PAN3: variants seen among roughly 807,000 people sequenced by gnomAD.
The protein encoded by PAN3 is poly(A) specific ribonuclease subunit PAN3.
PAN3 carries 19 observed loss-of-function variants against 96.2 expected under a neutral mutation model. The observed-to-expected ratio is 0.20, with a 90% confidence interval of 0.14 to 0.29. PAN3 has a LOEUF of 0.29. Ranked by LOEUF, PAN3 falls within the 10% of genes least tolerant of loss-of-function variation. The probability of loss-of-function intolerance (pLI) is 1.00; values close to 1 mark genes in which losing one functional copy is unlikely to be tolerated. For synonymous variants in PAN3, 433 were observed against 406.6 expected, an observed-to-expected ratio of 1.06 and a Z score of -0.78; for missense variants, 882 against 1,108.1, an observed-to-expected ratio of 0.80 and a Z score of 2.90.
chr13:28,260,574 AGGAATACTT>A, intron 8 of PAN3, 23 bp downstream of exon 8: 1 of 1,545,112 alleles, frequency 6.5e-7, no homozygotes, highest in Non-Finnish European at 8.9e-7. Flanking sequence ...AATTCATAGT[AGGAATACTT>A]AATGTCTCCT....
intron 6 of PAN3, among the ~76,000 whole-genome samples, chr13:28,230,702 A>G (rs1882450578): frequency 1.3e-5 from 2 of 152,202 alleles, no homozygotes. Context: ...TTGGAAAGAA[A>G]TCCAAAATTA....
chr13:28,256,770 A>G (rs571340586), intron 7 of PAN3, among the ~76,000 whole-genome samples: 1 of 152,344 alleles, frequency 6.6e-6, no homozygotes, highest in African/African-American at 2.4e-5. Flanking sequence ...AAATTAGATT[A>G]TATCCATGCT....
chr13:28,182,131 A>G (rs1049133420), intron 4 of PAN3, among the ~76,000 whole-genome samples: 2 of 152,258 alleles, frequency 1.3e-5, no homozygotes, highest in Non-Finnish European at 1.5e-5. Flanking sequence ...ATATCTTTAC[A>G]ACAGAGTTAG....
At chr13:28,272,635 T>C (rs1310044094) in intron 14 of PAN3, among the ~76,000 whole-genome samples, 5 of 151,372 alleles carry the variant, frequency 3.3e-5, no homozygotes, top group Non-Finnish European at 5.9e-5. Context: ...AATGGCGCGA[T>C]CTCAACTCAC....
chr13:28,238,361 T>C (rs763731848), intron 6 of PAN3, among the ~76,000 whole-genome samples: 3 of 152,108 alleles, frequency 2.0e-5, no homozygotes, highest in Non-Finnish European at 4.4e-5. Context: ...TTTTGAAAGG[T>C]TGGGAAAGTG....
chr13:28,267,152 A>G lies in PAN3; in HGVS notation c.1631A>G (p.Gln544Arg). Reference sequence around the variant, plus strand: ...TTGGTCGACATGTGGAAGAAAATTCAACACTCAAATATCGTAACTTTGCGT... The same window carrying G: ...TTGGTCGACATGTGGAAGAAAATTCGACACTCAAATATCGTAACTTTGCGT... ...MVLVDMWKKI[Q>R]HSNIVTLREV... Residue 544 changes from glutamine (Q) to arginine (R), a missense_variant, in exon 11 of 19, where the codon CAA (glutamine) becomes CGA (arginine). Transcript: ENST00000380958. 1 of 1,613,004 alleles carries G rather than the reference A, an allele frequency of 6.2e-7. No individual in the cohort carries two copies. Among genetic ancestry groups the G allele is most frequent in the African/African-American group, 1.3e-5 (1 of 75,028 alleles).
intron 2 of PAN3, among the ~76,000 whole-genome samples, chr13:28,175,646 T>C (rs1355709250): frequency 2.0e-5 from 3 of 152,154 alleles, no homozygotes; most frequent in East Asian, 1.9e-4. Flanking sequence ...CGTGTAGATA[T>C]GCACTCTAAG....
chr13:28,209,327 G>T (rs767642174), intron 5 of PAN3, among the ~76,000 whole-genome samples: 1 of 152,172 alleles, frequency 6.6e-6, no homozygotes, highest in Non-Finnish European at 1.5e-5. Context: ...ATATTTTAGT[G>T]ACCATCTTTA....
chr13:28,239,746 C>T, intron 6 of PAN3: 3 of 1,100,722 alleles, frequency 2.7e-6, no homozygotes, highest in Non-Finnish European at 3.7e-6. Flanking sequence ...CTTTTAATTC[C>T]CCTAATCATA....
At chr13:28,195,605 G>A (rs774921387) in intron 4 of PAN3, among the ~76,000 whole-genome samples, 11 of 151,934 alleles carry the variant, frequency 7.2e-5, no homozygotes, top group African/African-American at 1.2e-4. Flanking sequence ...TCATGATCTC[G>A]GCTCACTGCA....
chr13:28,294,524 G>T lies in PAN3; in HGVS notation c.*2002G>T, dbSNP rs753195548. 4.6e-5 allele frequency: 7 copies of T among 152,544 alleles called. No individual in the cohort carries two copies. The highest frequency in any genetic ancestry group is 1.0e-4 in the Non-Finnish European group (7 of 68,010). 9.4% of individuals were successfully genotyped at this position (152,544 alleles called of 1,614,324 possible). ...AAATGAAAGGGGATCATCTATTTTA[G>T]TTTTGGGGTCTGGGAACTTTTTGAA... is the stretch of plus-strand genomic sequence containing the variant. On this transcript the variant is annotated 3_prime_UTR_variant, in exon 19 of 19. Transcript: ENST00000380958.
intron 6 of PAN3, among the ~76,000 whole-genome samples, chr13:28,252,777 CAA>C (rs949258535): frequency 2.0e-5 from 3 of 151,720 alleles, no homozygotes; most frequent in Admixed American, 6.6e-5. Context: ...AAAAAAAATA[CAA>C]AAAATGAAAT....
intron 14 of PAN3, among the ~76,000 whole-genome samples, chr13:28,274,768 T>G (rs1032938722): frequency 2.0e-5 from 3 of 152,202 alleles, no homozygotes; most frequent in Non-Finnish European, 2.9e-5. Context: ...TTTCTTTTTT[T>G]GGGTATATAT....
At chr13:28,292,290 A>T in intron 18 of PAN3, 92 bp from the exon 19 acceptor site, 1 of 1,312,528 alleles carries the variant, frequency 7.6e-7, no homozygotes, top group Non-Finnish European at 1.0e-6. Context: ...TGACAAAAAA[A>T]ATTTAGATAT....
chr13:28,236,684 A>G (rs1883143466), intron 6 of PAN3, among the ~76,000 whole-genome samples: 1 of 152,210 alleles, frequency 6.6e-6, no homozygotes. Context: ...ATGTTTAAAA[A>G]TTAATTCAGT....
At position 28,149,086 on chromosome 13, in the gene PAN3, G is replaced by A. The variant is rs545920456; in HGVS notation, c.430+9999G>A. Among the ~76,000 whole-genome samples, 147 of 152,068 alleles carry A rather than the reference G, an allele frequency of 9.7e-4. 2 individuals are homozygous for A. The highest frequency in any genetic ancestry group is 3.4e-3 in the African/African-American group (142 of 41,454). On this transcript the variant is annotated intron_variant, in intron 1 of 18. Coordinates refer to ENST00000380958, the MANE Select transcript of PAN3 (RefSeq NM_175854.8). Reference sequence around the variant, plus strand: ...AAAAAAACACTGTGTGGGGTGTGGCGACTCATACCTGTAATCCTAGTACTT... The same window carrying A: ...AAAAAAACACTGTGTGGGGTGTGGCAACTCATACCTGTAATCCTAGTACTT...
At chr13:28,161,421 T>G (rs1021738245) in intron 1 of PAN3, among the ~76,000 whole-genome samples, 2 of 152,220 alleles carry the variant, frequency 1.3e-5, no homozygotes, top group Non-Finnish European at 2.9e-5. Flanking sequence ...GTTTTCCCTT[T>G]GTGTGCATCT....
chr13:28,262,976 A>G (rs1885859315), intron 9 of PAN3, among the ~76,000 whole-genome samples: 2 of 152,206 alleles, frequency 1.3e-5, no homozygotes, highest in Admixed American at 1.3e-4. Flanking sequence ...AACAAGTAAG[A>G]TGTCAATTTT....
intron 1 of PAN3, among the ~76,000 whole-genome samples, chr13:28,158,251 A>C (rs536063437): frequency 1.0e-3 from 152 of 152,342 alleles, no homozygotes; most frequent in African/African-American, 3.5e-3. Flanking sequence ...AAACCCTTGA[A>C]AACCTAGGAA....
Sources: gnomAD v4.1 joint callset for allele counts (sites outside exome capture counted in the v4.1 genomes callset) on GRCh38, gnomAD v4.1.1 for gene constraint, MANE v1.5 for transcripts, NCBI Gene and HGNC (gene_info 2026-07-23, HGNC 2026-07-21) for gene names.